PRKD3: variants seen among roughly 807,000 people sequenced by gnomAD.
The protein encoded by PRKD3 is serine/threonine-protein kinase D3.
Under a neutral mutation model 99.2 loss-of-function variants are expected in PRKD3, and 47 were observed. The ratio of observed to expected loss-of-function variants is 0.47; its 90% CI spans 0.38 to 0.60. The LOEUF (loss-of-function observed/expected upper bound fraction) is 0.60, where lower values mean the gene tolerates loss of function less well. PRKD3 is among the 20% of genes least tolerant of loss of function. PRKD3 has a pLI of 0.00. For synonymous variants in PRKD3, 392 were observed against 355.4 expected (o/e 1.10, Z -1.16); for missense variants, 1,019 against 1,088.4 (o/e 0.94, Z 0.90).
At chr2:37,284,048 G>A (rs914855436) in intron 6 of PRKD3, among the ~76,000 whole-genome samples, 11 of 152,000 alleles carry the variant, frequency 7.2e-5, no homozygotes, top group African/African-American at 2.2e-4. Flanking sequence ...CTTTACATAC[G>A]CTTTTAAGCT....
chr2:37,256,570 C>T lies in PRKD3; in HGVS notation c.2413+92G>A. On this transcript the variant is annotated intron_variant, in intron 17 of 18. Coordinates refer to ENST00000234179, the MANE Select transcript of PRKD3 (RefSeq NM_005813.6). ...GGAGATGTACTAAAAAGATAAGTTG[C>T]AAGAGACAGACTGATTTGGGATGAG... 20 of 1,375,000 alleles carry T rather than the reference C, an allele frequency of 1.5e-5. No individual in the cohort carries two copies. In the South Asian group the frequency reaches 3.2e-4, roughly 22 times the overall value. 85.2% of individuals were successfully genotyped at this position (1,375,000 alleles called of 1,614,324 possible). A position where few individuals can be genotyped will look rare whatever the true frequency, so the allele number is the denominator to read the frequency against.
At chr2:37,280,808 G>C (rs374264899) in intron 7 of PRKD3, among the ~76,000 whole-genome samples, 1 of 152,112 alleles carries the variant, frequency 6.6e-6, no homozygotes, top group Non-Finnish European at 1.5e-5. Flanking sequence ...AACACCTTAC[G>C]AAGTGAAATG....
intron 9 of PRKD3, among the ~76,000 whole-genome samples, chr2:37,276,797 C>A (rs531302284): frequency 6.8e-6 from 1 of 146,924 alleles, no homozygotes; most frequent in Non-Finnish European, 1.5e-5. Context: ...TATATATACA[C>A]ACACACACAT....
chr2:37,291,429 CTGTT>C (rs755114334), intron 3 of PRKD3, among the ~76,000 whole-genome samples: 3 of 152,246 alleles, frequency 2.0e-5, no homozygotes, highest in Non-Finnish European at 2.9e-5. Context: ...ATATACTTGT[CTGTT>C]TGTTCTCCAC....
In PRKD3 at chr2:37,316,603, A is replaced by G. The variant is rs1671670640; in HGVS notation, c.-79T>C. ...AAGAGGTTTTTAAAATAACAGCAGT[A>G]AAGAAAATGACCGCACTTTTGGATT... On this transcript the variant is annotated 5_prime_UTR_variant, in exon 2 of 19. Transcript: ENST00000234179. 2.0e-6 allele frequency: 3 copies of G among 1,523,966 alleles called. No individual in the cohort carries two copies. Among genetic ancestry groups the G allele is most frequent in the Non-Finnish European group, 8.8e-7 (1 of 1,141,100 alleles). 94.4% of individuals were successfully genotyped at this position (1,523,966 alleles called of 1,614,324 possible).
chr2:37,255,008 G>T (rs1398033778), intron 17 of PRKD3, among the ~76,000 whole-genome samples: 1 of 152,116 alleles, frequency 6.6e-6, no homozygotes, highest in Non-Finnish European at 1.5e-5. Context: ...TGAAATATTG[G>T]TAACAAAAGG....
At chr2:37,273,472 C>G (rs1669410392) in intron 11 of PRKD3, among the ~76,000 whole-genome samples, 1 of 152,108 alleles carries the variant, frequency 6.6e-6, no homozygotes, top group African/African-American at 2.4e-5. Context: ...ACCTGAGGTT[C>G]AAATCAGGTT....
At chr2:37,264,635 G>A (rs761934856) in intron 14 of PRKD3, among the ~76,000 whole-genome samples, 3 of 152,102 alleles carry the variant, frequency 2.0e-5, no homozygotes, top group Non-Finnish European at 4.4e-5. Context: ...ATATTTGAGG[G>A]AGAAAGCATT....
intron 2 of PRKD3, among the ~76,000 whole-genome samples, chr2:37,304,360 A>G (rs1456274343): frequency 6.6e-6 from 1 of 152,218 alleles, no homozygotes; most frequent in Non-Finnish European, 1.5e-5. Context: ...TAAGGACGAT[A>G]GCTGAGTCAA....
intron 1 of PRKD3, chr2:37,317,756 A>G (rs879590354): frequency 3.9e-5 from 6 of 152,196 alleles, no homozygotes; most frequent in Admixed American, 3.9e-4. Context: ...TGACATACTT[A>G]TCACAGGAAC....
At position 37,252,835 on chromosome 2, in the gene PRKD3, A is replaced by ATATT. The variant is rs1553362926; in HGVS notation, c.*341_*342insAATA. The ATATT allele has an allele frequency of 2.0e-5, 2 of 102,002 alleles. No individual in the cohort carries two copies. Among genetic ancestry groups the ATATT allele is most frequent in the Non-Finnish European group, 4.2e-5 (2 of 48,050 alleles). The allele number at this position is 102,002 out of a possible 1,614,324, so 6.3% of individuals were successfully genotyped here. A position where few individuals can be genotyped will look rare whatever the true frequency, so the allele number is the denominator to read the frequency against. On this transcript the variant is annotated 3_prime_UTR_variant, in exon 19 of 19. Coordinates refer to ENST00000234179, the MANE Select transcript of PRKD3 (RefSeq NM_005813.6). ...TTTTTCATTAAAAAAACAAACAAAC[A>ATATT]TATATTTATATTTATATATATATAT...
At chr2:37,293,035 A>C in intron 3 of PRKD3, 98 bp downstream of exon 3, 1 of 1,242,852 alleles carries the variant, frequency 8.0e-7, no homozygotes, top group Non-Finnish European at 1.1e-6. Flanking sequence ...AAGTAACAAT[A>C]ATACAAAGAC....
At chr2:37,286,999 G>A (rs1332815319) in intron 5 of PRKD3, among the ~76,000 whole-genome samples, 2 of 151,832 alleles carry the variant, frequency 1.3e-5, no homozygotes, top group Admixed American at 1.3e-4. Context: ...GGGAGGCCGA[G>A]GTGGGCGGAT....
At chr2:37,308,590 G>GT (rs1671273452) in intron 2 of PRKD3, among the ~76,000 whole-genome samples, 1 of 150,184 alleles carries the variant, frequency 6.7e-6, no homozygotes, top group Non-Finnish European at 1.5e-5. Flanking sequence ...GAGTAGTTGG[G>GT]ATTATAGGCA....
At chr2:37,257,859 C>T (rs897825519) in intron 16 of PRKD3, among the ~76,000 whole-genome samples, 2 of 152,042 alleles carry the variant, frequency 1.3e-5, no homozygotes, top group Non-Finnish European at 2.9e-5. Context: ...GTAACAGCAA[C>T]ACTTTTCTAT....
In PRKD3 at chr2:37,250,782, AT is replaced by A. The variant is rs1485570128; in HGVS notation, c.*2394del. 6.6e-6 allele frequency: 1 copy of A among 152,480 alleles called. No homozygotes were observed. Among genetic ancestry groups the A allele is most frequent in the Admixed American group, 6.6e-5 (1 of 15,266 alleles). The allele number at this position is 152,480 out of a possible 1,614,324, so 9.4% of individuals were successfully genotyped here. ...AAAAGTTGGATATAACCAAAAAAAT[AT>A]TAAAAATGTACTGAACAGTCATTAT... On this transcript the variant is annotated 3_prime_UTR_variant, in exon 19 of 19. Transcript: ENST00000234179.
intron 2 of PRKD3, among the ~76,000 whole-genome samples, chr2:37,293,840 C>T (rs1052002268): frequency 6.6e-6 from 1 of 152,116 alleles, no homozygotes; most frequent in African/African-American, 2.4e-5. Context: ...TACTGTAGCC[C>T]TTCTTTGTGA....
rs1209341837 is a variant in PRKD3, at chr2:37,251,057, A to G, written c.*2120T>C. 3.3e-5 allele frequency: 5 copies of G among 152,572 alleles called. No individual in the cohort carries two copies. The highest frequency in any genetic ancestry group is 1.2e-4 in the African/African-American group (5 of 41,420). The allele number at this position is 152,572 out of a possible 1,614,324, so 9.5% of individuals were successfully genotyped here. A position where few individuals can be genotyped will look rare whatever the true frequency, so the allele number is the denominator to read the frequency against. On this transcript the variant is annotated 3_prime_UTR_variant, in exon 19 of 19. Transcript: ENST00000234179. ...ATAGCAAACAAACATCGTTCCAGTT[A>G]ATTTTCACCTTACATAGTAAAACCA...
intron 2 of PRKD3, among the ~76,000 whole-genome samples, chr2:37,301,772 A>C (rs1271727848): frequency 6.6e-6 from 1 of 152,212 alleles, no homozygotes; most frequent in Non-Finnish European, 1.5e-5. Flanking sequence ...AAGTTCAGAA[A>C]AGCAGCAGAG....
Sources: gnomAD v4.1 joint callset for allele counts (sites outside exome capture counted in the v4.1 genomes callset) on GRCh38, gnomAD v4.1.1 for gene constraint, MANE v1.5 for transcripts, NCBI Gene and HGNC (gene_info 2026-07-23, HGNC 2026-07-21) for gene names.